The following ST6GALNAC3 variants were observed in gnomAD, a reference collection of about 807,000 sequenced individuals.
ST6GALNAC3 encodes the protein ST6 N-acetylgalactosaminide alpha-2,6-sialyltransferase 3.
Under a neutral mutation model 32.7 loss-of-function variants are expected in ST6GALNAC3, and 25 were observed. The ratio of observed to expected loss-of-function variants is 0.76; its 90% CI spans 0.56 to 1.07. The LOEUF (loss-of-function observed/expected upper bound fraction) is 1.07. Ranked by LOEUF, ST6GALNAC3 falls within the 50% of genes least tolerant of loss-of-function variation. ST6GALNAC3 has a pLI of 0.00. For synonymous variants in ST6GALNAC3, 129 were observed against 133.1 expected (o/e 0.97, Z 0.21); for missense variants, 355 against 382.4 (o/e 0.93, Z 0.60).
chr1:76,472,231 G>T (rs1194623123), intron 3 of ST6GALNAC3, among the ~76,000 whole-genome samples: 1 of 152,172 alleles, frequency 6.6e-6, no homozygotes, highest in Non-Finnish European at 1.5e-5. Context: ...ATCCATGCTG[G>T]ACAAGGACAA....
chr1:76,278,238 T>TTTTTTTTTTTTTA (rs1570668938), intron 1 of ST6GALNAC3, among the ~76,000 whole-genome samples: 6 of 109,862 alleles, frequency 5.5e-5, no homozygotes, highest in African/African-American at 3.9e-4. Flanking sequence ...TTTTTTTTTT[T>TTTTTTTTTTTTTA]GAGATGGAGT....
chr1:76,633,395 C>G lies in ST6GALNAC3; in HGVS notation c.*4589C>G, dbSNP rs1364617825. 1 of 152,156 alleles carries G rather than the reference C, an allele frequency of 6.6e-6. No individual in the cohort carries two copies. The highest frequency in any genetic ancestry group is 1.5e-5 in the Non-Finnish European group (1 of 68,038). The allele number at this position is 152,156 out of a possible 1,614,324, so 9.4% of individuals were successfully genotyped here. ...TGAAGGAACATATCCCATTGATTGT[C>G]TACACTTTCTTCTCTCTGTTTGTTG... On this transcript the variant is annotated 3_prime_UTR_variant, in exon 5 of 5. Coordinates refer to ENST00000328299, the MANE Select transcript of ST6GALNAC3 (RefSeq NM_152996.4).
At chr1:76,387,911 A>G (rs1652221797) in intron 2 of ST6GALNAC3, among the ~76,000 whole-genome samples, 1 of 152,066 alleles carries the variant, frequency 6.6e-6, no homozygotes, top group Non-Finnish European at 1.5e-5. Flanking sequence ...TTAACAAACA[A>G]AGCTGACAAA....
intron 2 of ST6GALNAC3, among the ~76,000 whole-genome samples, chr1:76,398,253 A>T (rs1027012249): frequency 1.3e-5 from 2 of 152,204 alleles, no homozygotes; most frequent in Non-Finnish European, 2.9e-5. Context: ...TATAACCTTT[A>T]CTATTTAATA....
chr1:76,399,798 T>C (rs1653262438), intron 2 of ST6GALNAC3, among the ~76,000 whole-genome samples: 1 of 152,226 alleles, frequency 6.6e-6, no homozygotes, highest in Non-Finnish European at 1.5e-5. Flanking sequence ...GTCTTGCACA[T>C]CATTTATTAG....
intron 3 of ST6GALNAC3, among the ~76,000 whole-genome samples, chr1:76,594,524 A>T (rs1276353858): frequency 4.6e-5 from 7 of 152,206 alleles, no homozygotes; most frequent in Admixed American, 2.6e-4. Flanking sequence ...AGTTATTCTT[A>T]ATTACATTCG....
chr1:76,166,871 G>A (rs543292019), intron 1 of ST6GALNAC3, among the ~76,000 whole-genome samples: 1 of 152,292 alleles, frequency 6.6e-6, no homozygotes, highest in South Asian at 2.1e-4. Context: ...AGACTTTGCT[G>A]AAGTTGTTTA....
intron 1 of ST6GALNAC3, among the ~76,000 whole-genome samples, chr1:76,096,666 A>C (rs1226442342): frequency 6.6e-6 from 1 of 151,966 alleles, no homozygotes; most frequent in African/African-American, 2.4e-5. Context: ...ATGATTTATC[A>C]TGAAGTGAAT....
intron 3 of ST6GALNAC3, among the ~76,000 whole-genome samples, chr1:76,591,349 A>G (rs1291156228): frequency 1.3e-5 from 2 of 152,138 alleles, no homozygotes; most frequent in African/African-American, 4.8e-5. Flanking sequence ...TTTTATTTTC[A>G]GCTAAATAAA....
chr1:76,256,015 AACAC>A (rs10635688), intron 1 of ST6GALNAC3, among the ~76,000 whole-genome samples: 31 of 148,518 alleles, frequency 2.1e-4, no homozygotes, highest in South Asian at 1.1e-3. Context: ...TGTCAGTGGT[AACAC>A]ACACACACAC....
At chr1:76,459,605 G>T (rs1249437801) in intron 3 of ST6GALNAC3, among the ~76,000 whole-genome samples, 2 of 151,998 alleles carry the variant, frequency 1.3e-5, no homozygotes, top group Non-Finnish European at 2.9e-5. Flanking sequence ...GGGCTGTTGA[G>T]GGAGTAGCTT....
At chr1:76,602,537 T>C (rs1647282184) in intron 3 of ST6GALNAC3, among the ~76,000 whole-genome samples, 1 of 152,030 alleles carries the variant, frequency 6.6e-6, no homozygotes, top group Admixed American at 6.6e-5. Flanking sequence ...TACTAAATAA[T>C]AGATTTGTAA....
At chr1:76,590,300 G>A (rs1028695708) in intron 3 of ST6GALNAC3, among the ~76,000 whole-genome samples, 2 of 152,126 alleles carry the variant, frequency 1.3e-5, no homozygotes, top group African/African-American at 4.8e-5. Context: ...TAAGAAAAAT[G>A]GGATTAGAAT....
chr1:76,603,413 G>T (rs911365651), intron 3 of ST6GALNAC3, among the ~76,000 whole-genome samples: 1 of 152,138 alleles, frequency 6.6e-6, no homozygotes, highest in Non-Finnish European at 1.5e-5. Context: ...GCAGCCATAA[G>T]CATTAACAGA....
intron 1 of ST6GALNAC3, among the ~76,000 whole-genome samples, chr1:76,161,163 T>C (rs1272686309): frequency 6.6e-6 from 1 of 152,166 alleles, no homozygotes; most frequent in Non-Finnish European, 1.5e-5. Flanking sequence ...CTCTAACACT[T>C]GGGCCATTAT....
intron 1 of ST6GALNAC3, among the ~76,000 whole-genome samples, chr1:76,163,755 C>A (rs1651950757): frequency 6.6e-6 from 1 of 152,144 alleles, no homozygotes; most frequent in Non-Finnish European, 1.5e-5. Context: ...TATGAAAATT[C>A]AAGCTAATTT....
At chr1:76,256,601 G>A (rs371202135) in intron 1 of ST6GALNAC3, among the ~76,000 whole-genome samples, 1 of 150,806 alleles carries the variant, frequency 6.6e-6, no homozygotes, top group African/African-American at 2.4e-5. Context: ...TAGATTAGAG[G>A]TTTTTAAAAA....
At chr1:76,627,648 A>G in intron 4 of ST6GALNAC3, 89 bp downstream of exon 4, 2 of 989,754 alleles carry the variant, frequency 2.0e-6, no homozygotes, top group South Asian at 2.7e-5. Flanking sequence ...TAAATCTGAG[A>G]AACAGATAAA....
At chr1:76,325,888 G>A (rs1647059241) in intron 2 of ST6GALNAC3, among the ~76,000 whole-genome samples, 1 of 151,186 alleles carries the variant, frequency 6.6e-6, no homozygotes. Context: ...ATTGTTGCTT[G>A]TAGTATTAGA....
Sources: allele counts gnomAD v4.1 joint callset (sites outside exome capture counted in the v4.1 genomes callset), GRCh38; gene constraint gnomAD v4.1.1; transcripts MANE v1.5; gene names NCBI Gene and HGNC (gene_info 2026-07-23, HGNC 2026-07-21).